FRMD4A: variants seen among roughly 807,000 people sequenced by gnomAD.
FRMD4A encodes FERM domain-containing protein 4A.
In FRMD4A, 29 loss-of-function variants were observed where a neutral mutation model predicts 129.1. The observed-to-expected ratio is 0.22, with a 90% CI of 0.17 to 0.31. The LOEUF (loss-of-function observed/expected upper bound fraction) is 0.31, where lower values mean the gene tolerates loss of function less well. Among genes scored for constraint, FRMD4A ranks in the 10% least tolerant of loss-of-function variants. The pLI, the probability that FRMD4A is intolerant of heterozygous loss-of-function variation, is 1.00. For missense variants in FRMD4A, 1,272 were observed against 1,375.8 expected, an observed-to-expected ratio of 0.92 and a Z score of 1.19; for synonymous variants, 634 against 571.6, an observed-to-expected ratio of 1.11 and a Z score of -1.56.
At chr10:14,250,452 G>C (rs1033598317) in intron 2 of FRMD4A, among the ~76,000 whole-genome samples, 2 of 152,158 alleles carry the variant, frequency 1.3e-5, no homozygotes, top group East Asian at 1.9e-4. Flanking sequence ...CCTATAAAAG[G>C]ATTTTCCAAT....
intron 2 of FRMD4A, among the ~76,000 whole-genome samples, chr10:13,948,112 A>C (rs1483219088): frequency 1.3e-5 from 2 of 152,076 alleles, no homozygotes; most frequent in East Asian, 3.8e-4. Flanking sequence ...TTGTGCAAGC[A>C]AATATGGTTC....
intron 2 of FRMD4A, among the ~76,000 whole-genome samples, chr10:14,080,174 A>T (rs1835843991): frequency 6.6e-6 from 1 of 152,124 alleles, no homozygotes; most frequent in Admixed American, 6.5e-5. Context: ...AGCCACAAAG[A>T]TGCCCCAGCT....
intron 2 of FRMD4A, among the ~76,000 whole-genome samples, chr10:14,204,293 A>T (rs553250946): frequency 6.6e-6 from 1 of 152,154 alleles, no homozygotes; most frequent in South Asian, 2.1e-4. Context: ...GCCAGACATG[A>T]TGGTGCATGC....
At chr10:13,696,774 T>C (rs1239987336) in intron 14 of FRMD4A, among the ~76,000 whole-genome samples, 2 of 152,114 alleles carry the variant, frequency 1.3e-5, no homozygotes, top group Non-Finnish European at 2.9e-5. Context: ...AATTAGAATC[T>C]TGGCTCTTCC....
chr10:13,901,106 A>G (rs1302517459), intron 2 of FRMD4A, among the ~76,000 whole-genome samples: 1 of 152,210 alleles, frequency 6.6e-6, no homozygotes, highest in Admixed American at 6.5e-5. Flanking sequence ...ACAGACGAGA[A>G]GTCGGCCACT....
At chr10:14,226,081 G>A (rs572306416) in intron 2 of FRMD4A, among the ~76,000 whole-genome samples, 10 of 152,168 alleles carry the variant, frequency 6.6e-5, no homozygotes, top group South Asian at 2.1e-4. Flanking sequence ...TTACAGTAAC[G>A]TTCTCTCTCA....
chr10:13,754,639 T>C (rs1467798082), intron 8 of FRMD4A, among the ~76,000 whole-genome samples: 1 of 152,014 alleles, frequency 6.6e-6, no homozygotes, highest in African/African-American at 2.4e-5. Context: ...ATTATATTAA[T>C]TTCAATTCTT....
intron 2 of FRMD4A, among the ~76,000 whole-genome samples, chr10:14,193,911 G>A (rs1036154000): frequency 6.6e-6 from 1 of 151,996 alleles, no homozygotes; most frequent in Non-Finnish European, 1.5e-5. Flanking sequence ...CATGTCCCCT[G>A]CTTCTCTGAA....
Position 13,796,444 on chromosome 10 carries a change from T to A in FRMD4A, c.299+52A>T. 3.4e-6 allele frequency: 3 copies of A among 886,550 alleles called. No homozygotes were observed. The South Asian group carries it at 4.0e-5, about 12-fold the overall frequency. The allele number at this position is 886,550 out of a possible 1,614,324, so 54.9% of individuals were successfully genotyped here. ...TGGAATCACTCTGCCCTCCCAGACTTCCCTGATAAAGAACACAAAGAAGCA... is the reference window on the plus strand; with the variant it reads ...TGGAATCACTCTGCCCTCCCAGACTACCCTGATAAAGAACACAAAGAAGCA... On this transcript the variant is annotated intron_variant, in intron 5 of 24. Coordinates refer to ENST00000357447, the MANE Select transcript of FRMD4A (RefSeq NM_018027.5).
intron 2 of FRMD4A, among the ~76,000 whole-genome samples, chr10:14,218,326 C>T (rs1304981296): frequency 6.6e-6 from 1 of 152,200 alleles, no homozygotes; most frequent in African/African-American, 2.4e-5. Flanking sequence ...CTTCTTTCAT[C>T]CAGTGGGCAT....
At chr10:13,877,240 A>T (rs1471698152) in intron 2 of FRMD4A, among the ~76,000 whole-genome samples, 2 of 152,152 alleles carry the variant, frequency 1.3e-5, no homozygotes, top group Non-Finnish European at 2.9e-5. Flanking sequence ...GCCACCTATG[A>T]GGTTAGTATG....
rs2081069775 is a variant in FRMD4A, at chr10:13,645,529, C to G, written c.*1509G>C. On this transcript the variant is annotated 3_prime_UTR_variant, in exon 25 of 25. Transcript: ENST00000357447. ...TTCCAGTTGTGTTTGAAGCATAGCT[C>G]AAAACATGTAAACGTGCAGCTCCCA... 1 of 152,638 alleles carries G rather than the reference C, an allele frequency of 6.6e-6. No individual in the cohort carries two copies. Among genetic ancestry groups the G allele is most frequent in the Admixed American group, 6.5e-5 (1 of 15,284 alleles). The allele number at this position is 152,638 out of a possible 1,614,324, so 9.5% of individuals were successfully genotyped here. A position where few individuals can be genotyped will look rare whatever the true frequency, so the allele number is the denominator to read the frequency against.
chr10:13,939,841 TC>T (rs2095277575), intron 2 of FRMD4A, among the ~76,000 whole-genome samples: 1 of 152,194 alleles, frequency 6.6e-6, no homozygotes, highest in Non-Finnish European at 1.5e-5. Context: ...AAAAAGGTTT[TC>T]CCATCTCATC....
chr10:13,877,842 G>T (rs1292214197), intron 2 of FRMD4A, among the ~76,000 whole-genome samples: 1 of 152,154 alleles, frequency 6.6e-6, no homozygotes, highest in Non-Finnish European at 1.5e-5. Context: ...GCCCCTGGGC[G>T]CCTGGTCCAG....
intron 2 of FRMD4A, among the ~76,000 whole-genome samples, chr10:14,178,979 C>T (rs1386103049): frequency 1.3e-5 from 2 of 152,242 alleles, no homozygotes; most frequent in Middle Eastern, 3.4e-3. Context: ...CCCTTTGAGC[C>T]ACCCTTCTTT....
intron 3 of FRMD4A, among the ~76,000 whole-genome samples, chr10:13,828,147 T>C (rs2093731843): frequency 6.6e-6 from 1 of 152,238 alleles, no homozygotes; most frequent in Non-Finnish European, 1.5e-5. Context: ...AAAGCAGGGA[T>C]GGTATTATCC....
chr10:13,891,862 C>G lies in FRMD4A; in HGVS notation c.46-32950G>C, dbSNP rs1416010877. 4 of 460,268 alleles carry G rather than the reference C, an allele frequency of 8.7e-6. No homozygotes were observed. In the East Asian group the frequency reaches 6.2e-4, roughly 71 times the overall value. The allele number at this position is 460,268 out of a possible 1,614,324, so 28.5% of individuals were successfully genotyped here. On this transcript the variant is annotated intron_variant, in intron 2 of 24. Transcript: ENST00000357447. ...AGCCTGGCCCGGCGCCAGTGAGCCC[C>G]GCCGCCGGCCCGCCCCTCGCCCGCG...
intron 9 of FRMD4A, 32 bp from the exon 10 acceptor site, chr10:13,740,609 G>A (rs2090933112): frequency 8.8e-7 from 1 of 1,138,744 alleles, no homozygotes; most frequent in South Asian, 1.3e-5. Flanking sequence ...GCTGTTGTTG[G>A]AGTCTCTAGG....
At chr10:13,993,233 C>G (rs1470139169) in intron 2 of FRMD4A, among the ~76,000 whole-genome samples, 1 of 152,298 alleles carries the variant, frequency 6.6e-6, no homozygotes, top group African/African-American at 2.4e-5. Flanking sequence ...CCTCCTCCCC[C>G]AGCAGGGACA....
Sources: gnomAD v4.1 joint callset for allele counts (sites outside exome capture counted in the v4.1 genomes callset) on GRCh38, gnomAD v4.1.1 for gene constraint, MANE v1.5 for transcripts, NCBI Gene and HGNC (gene_info 2026-07-23, HGNC 2026-07-21) for gene names.